The following SEC24B variants were observed in gnomAD, a reference collection of about 807,000 sequenced individuals.
The protein encoded by SEC24B is protein transport protein Sec24B.
SEC24B carries 45 observed loss-of-function variants against 142.8 expected under a neutral mutation model. That is an observed-to-expected ratio of 0.32 (90% CI 0.25 to 0.40). SEC24B has a LOEUF of 0.40. SEC24B is among the 10% of genes least tolerant of loss of function. The pLI, the probability that SEC24B is intolerant of heterozygous loss-of-function variation, is 1.00. For missense variants in SEC24B, 1,409 were observed against 1,526.8 expected (o/e 0.92, Z 1.29); for synonymous variants, 574 against 568.2 (o/e 1.01, Z -0.15).
intron 1 of SEC24B, among the ~76,000 whole-genome samples, chr4:109,437,015 C>T (rs1283407352): frequency 2.0e-5 from 3 of 152,326 alleles, no homozygotes; most frequent in Non-Finnish European, 2.9e-5. Context: ...AGTAGAAACT[C>T]CAGTTTGTAA....
intron 11 of SEC24B, 27 bp from the exon 12 acceptor site, chr4:109,520,339 A>G: frequency 7.3e-7 from 1 of 1,360,886 alleles, no homozygotes; most frequent in Non-Finnish European, 1.0e-6. Context: ...AGCACTCTGA[A>G]TTTAAAATTG....
intron 10 of SEC24B, among the ~76,000 whole-genome samples, chr4:109,515,228 G>A (rs1449869043): frequency 3.3e-5 from 5 of 151,992 alleles, no homozygotes; most frequent in Non-Finnish European, 7.4e-5. Context: ...AGCCTTCCGA[G>A]TAGCTAGGAC....
chr4:109,477,635 TGTAA>T (rs1337912461), intron 3 of SEC24B, among the ~76,000 whole-genome samples: 1 of 152,132 alleles, frequency 6.6e-6, no homozygotes, highest in East Asian at 1.9e-4. Flanking sequence ...TACCATACCC[TGTAA>T]GTGTGTTTTT....
At chr4:109,519,205 A>G (rs980345393) in intron 11 of SEC24B, among the ~76,000 whole-genome samples, 1 of 152,170 alleles carries the variant, frequency 6.6e-6, no homozygotes, top group Non-Finnish European at 1.5e-5. Context: ...GCAAGCTCCT[A>G]TTCCGTCACT....
chr4:109,522,600 G>A (rs1723766336), intron 14 of SEC24B, among the ~76,000 whole-genome samples: 1 of 152,122 alleles, frequency 6.6e-6, no homozygotes, highest in Admixed American at 6.5e-5. Flanking sequence ...AATTCAACAT[G>A]CTCATACTAA....
At chr4:109,514,676 C>T (rs1737733958) in intron 10 of SEC24B, among the ~76,000 whole-genome samples, 1 of 152,168 alleles carries the variant, frequency 6.6e-6, no homozygotes, top group South Asian at 2.1e-4. Flanking sequence ...CCAGCCTGGG[C>T]AACAGGGGAA....
intron 5 of SEC24B, among the ~76,000 whole-genome samples, chr4:109,493,392 G>A (rs1043195822): frequency 6.6e-6 from 1 of 152,170 alleles, no homozygotes; most frequent in African/African-American, 2.4e-5. Flanking sequence ...ACATTGTAGA[G>A]TTGACTTCAA....
At chr4:109,446,153 A>G (rs1420191789) in intron 1 of SEC24B, among the ~76,000 whole-genome samples, 1 of 152,082 alleles carries the variant, frequency 6.6e-6, no homozygotes, top group Non-Finnish European at 1.5e-5. Flanking sequence ...AATCCCTGAA[A>G]CCTTTGCAGC....
chr4:109,498,571 A>G (rs1348534030), intron 6 of SEC24B, among the ~76,000 whole-genome samples: 1 of 152,090 alleles, frequency 6.6e-6, no homozygotes, highest in Non-Finnish European at 1.5e-5. Flanking sequence ...TCACTGTGTT[A>G]GCCAGGATGG....
Position 109,473,013 on chromosome 4 carries a change from C to T in SEC24B, c.887C>T (p.Ser296Phe). The change falls in exon 3 of 24, where the codon TCT becomes TTT. Residue 296 changes from serine to phenylalanine, a missense_variant. Around this residue, in one of 2 missense-constraint regions of SEC24B, gnomAD observed 709 missense variants for 673.5 expected, o/e 1.05. Coordinates refer to ENST00000265175, the MANE Select transcript of SEC24B (RefSeq NM_006323.5). ...AGTTTCTTCTCTTCAGTTGCAGATT[C>T]TTTATCCTGTCCTGTTATGCAAAAT... The part of the protein sequence containing the change: ...NNNPTITVAD[S>F]LSCPVMQNVQ... The T allele has an allele frequency of 2.0e-6, 3 of 1,536,888 alleles. No individual in the cohort carries two copies. The highest frequency in any genetic ancestry group is 2.6e-6 in the Non-Finnish European group (3 of 1,145,000).
intron 4 of SEC24B, among the ~76,000 whole-genome samples, chr4:109,483,915 T>A (rs1445462994): frequency 6.6e-6 from 1 of 152,208 alleles, no homozygotes; most frequent in Non-Finnish European, 1.5e-5. Flanking sequence ...ATCAACATAT[T>A]TTTGCTATAC....
intron 2 of SEC24B, among the ~76,000 whole-genome samples, chr4:109,469,216 C>T (rs921947268): frequency 5.9e-5 from 9 of 152,312 alleles, no homozygotes; most frequent in Admixed American, 3.9e-4. Flanking sequence ...GTGCATTTCG[C>T]GTAGTCCAGT....
At chr4:109,506,303 A>G (rs753333923) in intron 6 of SEC24B, 25 bp from the exon 7 acceptor site, 1 of 1,448,432 alleles carries the variant, frequency 6.9e-7, no homozygotes, top group Non-Finnish European at 9.1e-7. Flanking sequence ...TTGTTCTTTT[A>G]TTTTGTTTTG....
At chr4:109,505,138 T>C (rs1736549547) in intron 6 of SEC24B, among the ~76,000 whole-genome samples, 1 of 152,094 alleles carries the variant, frequency 6.6e-6, no homozygotes. Context: ...CTTATTGTAA[T>C]GTTTTTTGAC....
chr4:109,503,261 G>A (rs1736350222), intron 6 of SEC24B, among the ~76,000 whole-genome samples: 1 of 140,378 alleles, frequency 7.1e-6, no homozygotes, highest in Admixed American at 7.2e-5. Flanking sequence ...TTTCACTCTT[G>A]TTGCCTGGCT....
At chr4:109,536,675 G>A (rs1318084167) in intron 22 of SEC24B, among the ~76,000 whole-genome samples, 4 of 151,972 alleles carry the variant, frequency 2.6e-5, no homozygotes, top group East Asian at 3.9e-4. Flanking sequence ...GACTACAGGC[G>A]CCTGCCACCA....
intron 6 of SEC24B, among the ~76,000 whole-genome samples, chr4:109,503,493 G>A (rs1463106003): frequency 5.9e-5 from 9 of 152,020 alleles, no homozygotes; most frequent in Non-Finnish European, 8.8e-5. Flanking sequence ...CAAAGTGCTG[G>A]GATTACAGGC....
Position 109,512,075 on chromosome 4 carries a change from T to C in SEC24B, c.1895T>C (p.Val632Ala). 6.2e-7 allele frequency: 1 copy of C among 1,605,768 alleles called. No homozygotes were observed. The highest frequency in any genetic ancestry group is 8.5e-7 in the Non-Finnish European group (1 of 1,177,694). ...TGGAAATGCAATTTGTGCTATAGAG[T>C]AAACGATGGTGAGTTTTAGATTCTT... ...RRWKCNLCYR[V>A]NDVPEEFMYN... Residue 632 changes from valine (V) to alanine (A), a missense_variant, in exon 9 of 24, where the codon GTA becomes GCA. Transcript: ENST00000265175.
At chr4:109,495,131 A>G (rs1261885155) in intron 6 of SEC24B, among the ~76,000 whole-genome samples, 3 of 152,214 alleles carry the variant, frequency 2.0e-5, no homozygotes, top group African/African-American at 7.2e-5. Flanking sequence ...TTTATTTTTC[A>G]GAGTCTACAA....
Sources: allele counts gnomAD v4.1 joint callset (sites outside exome capture counted in the v4.1 genomes callset), GRCh38; gene constraint gnomAD v4.1.1; regional missense constraint gnomAD v4.1.1; transcripts MANE v1.5; gene names NCBI Gene and HGNC (gene_info 2026-07-23, HGNC 2026-07-21).